The following NKAIN2 variants were observed in gnomAD, a reference collection of about 807,000 sequenced individuals.
The protein encoded by NKAIN2 is sodium/potassium transporting ATPase interacting 2.
In NKAIN2, 14 loss-of-function variants were observed where a neutral mutation model predicts 32.6. That is an observed-to-expected ratio of 0.43 (90% CI 0.28 to 0.67). The LOEUF (loss-of-function observed/expected upper bound fraction) is 0.67, where lower values mean the gene tolerates loss of function less well. Ranked by LOEUF, NKAIN2 falls within the 30% of genes least tolerant of loss-of-function variation. The pLI is 0.17. For synonymous variants in NKAIN2, 80 were observed against 87.2 expected, an observed-to-expected ratio of 0.92 and a Z score of 0.46; for missense variants, 198 against 258.3, an observed-to-expected ratio of 0.77 and a Z score of 1.60.
At chr6:124,601,794 A>C (rs903926586) in intron 3 of NKAIN2, among the ~76,000 whole-genome samples, 8 of 152,008 alleles carry the variant, frequency 5.3e-5, no homozygotes, top group Non-Finnish European at 8.8e-5. Context: ...GGGTTGTAGA[A>C]TTTACATGAG....
intron 1 of NKAIN2, among the ~76,000 whole-genome samples, chr6:123,892,569 T>C (rs546611424): frequency 6.6e-6 from 1 of 152,084 alleles, no homozygotes; most frequent in East Asian, 2.0e-4. Flanking sequence ...GTGGGGATTA[T>C]TATAATTCAA....
chr6:124,588,170 G>T (rs1282541032), intron 3 of NKAIN2, among the ~76,000 whole-genome samples: 1 of 152,086 alleles, frequency 6.6e-6, no homozygotes, highest in African/African-American at 2.4e-5. Flanking sequence ...TTTAATTATT[G>T]ATGCATAGTG....
chr6:124,140,343 T>C (rs1482690412), intron 1 of NKAIN2, among the ~76,000 whole-genome samples: 1 of 152,220 alleles, frequency 6.6e-6, no homozygotes, highest in Non-Finnish European at 1.5e-5. Context: ...ATACGCATCA[T>C]GTTTATTCAT....
At chr6:123,874,716 T>A (rs1363352940) in intron 1 of NKAIN2, among the ~76,000 whole-genome samples, 3 of 152,102 alleles carry the variant, frequency 2.0e-5, no homozygotes, top group Non-Finnish European at 4.4e-5. Context: ...TGAATTGGCC[T>A]ATAAAATATT....
intron 1 of NKAIN2, among the ~76,000 whole-genome samples, chr6:124,109,843 A>T (rs1190269358): frequency 1.3e-5 from 2 of 151,940 alleles, no homozygotes; most frequent in African/African-American, 4.8e-5. Context: ...CTTTTTGTGC[A>T]TATGTTGAGA....
At chr6:124,267,344 G>A (rs548276235) in intron 1 of NKAIN2, among the ~76,000 whole-genome samples, 3 of 152,030 alleles carry the variant, frequency 2.0e-5, no homozygotes, top group South Asian at 4.2e-4. Flanking sequence ...GTGGGCTGTT[G>A]GTAAGAATGT....
intron 1 of NKAIN2, among the ~76,000 whole-genome samples, chr6:124,150,427 A>G (rs1787652452): frequency 6.6e-6 from 1 of 152,132 alleles, no homozygotes; most frequent in African/African-American, 2.4e-5. Flanking sequence ...ACATGCATGT[A>G]TTATTTTATA....
chr6:124,104,710 C>T (rs1785038986), intron 1 of NKAIN2, among the ~76,000 whole-genome samples: 1 of 152,192 alleles, frequency 6.6e-6, no homozygotes, highest in Admixed American at 6.5e-5. Context: ...TACTAATGAT[C>T]ATTCTGAGAA....
rs1430947405 is a variant in NKAIN2, at chr6:124,824,219, G to A, written c.*990G>A. ...TCTACAATTGTCTTTTACTAACACA[G>A]AAACAGCTGTGGATTTCTATCAACA... On this transcript the variant is annotated 3_prime_UTR_variant, in exon 7 of 7. Transcript: ENST00000368417. 6.6e-6 allele frequency: 1 copy of A among 152,574 alleles called. No homozygotes were observed. Among genetic ancestry groups the A allele is most frequent in the Non-Finnish European group, 1.5e-5 (1 of 68,028 alleles). 9.5% of individuals were successfully genotyped at this position (152,574 alleles called of 1,614,324 possible). A position where few individuals can be genotyped will look rare whatever the true frequency, so the allele number is the denominator to read the frequency against.
At chr6:123,810,035 A>G (rs1773391346) in intron 1 of NKAIN2, among the ~76,000 whole-genome samples, 1 of 152,150 alleles carries the variant, frequency 6.6e-6, no homozygotes. Context: ...AATGAAAACT[A>G]TTATTTATTG....
intron 5 of NKAIN2, among the ~76,000 whole-genome samples, chr6:124,815,143 C>T (rs1258779273): frequency 2.7e-5 from 4 of 150,248 alleles, no homozygotes; most frequent in African/African-American, 9.8e-5. Context: ...AATTTAGTCT[C>T]ATTGTCAACA....
At chr6:124,039,832 A>G (rs1447426006) in intron 1 of NKAIN2, among the ~76,000 whole-genome samples, 1 of 151,770 alleles carries the variant, frequency 6.6e-6, no homozygotes, top group African/African-American at 2.4e-5. Flanking sequence ...CTCTCTATTG[A>G]CTGGTTGCGG....
chr6:124,380,020 T>C (rs1328681302), intron 3 of NKAIN2, among the ~76,000 whole-genome samples: 1 of 152,166 alleles, frequency 6.6e-6, no homozygotes, highest in Non-Finnish European at 1.5e-5. Context: ...CCTTTGAAAC[T>C]GCTTTTACAT....
rs186713072 is a variant in NKAIN2 at position 124,069,036 on chromosome 6, T to C, written c.55-213969T>C. Among the ~76,000 whole-genome samples the C allele has an allele frequency of 1.0e-3, 156 of 152,214 alleles. 1 individual carries two copies. Among genetic ancestry groups the C allele is most frequent in the African/African-American group, 3.5e-3 (146 of 41,552 alleles). On this transcript the variant is annotated intron_variant, in intron 1 of 6. Transcript: ENST00000368417. ...GACAAAGATCACAATTTTTTTTGTT[T>C]CCTTTTTAAAGTCTATTCCGTACAG...
intron 3 of NKAIN2, among the ~76,000 whole-genome samples, chr6:124,650,424 G>C (rs546073514): frequency 3.3e-5 from 5 of 152,140 alleles, no homozygotes; most frequent in African/African-American, 1.2e-4. Context: ...AAATATATAG[G>C]TATCAATTTG....
At chr6:124,543,062 T>A (rs2114848787) in intron 3 of NKAIN2, among the ~76,000 whole-genome samples, 1 of 152,174 alleles carries the variant, frequency 6.6e-6, no homozygotes, top group East Asian at 1.9e-4. Flanking sequence ...TTGGTGAATA[T>A]TAAATAATAA....
At chr6:124,293,655 A>G (rs780642560) in intron 2 of NKAIN2, among the ~76,000 whole-genome samples, 4 of 152,152 alleles carry the variant, frequency 2.6e-5, no homozygotes, top group Non-Finnish European at 5.9e-5. Context: ...TCATCAGAGC[A>G]TATATTTTCT....
chr6:124,288,622 A>G (rs1430097257), intron 2 of NKAIN2, among the ~76,000 whole-genome samples: 1 of 152,106 alleles, frequency 6.6e-6, no homozygotes, highest in Non-Finnish European at 1.5e-5. Flanking sequence ...TATAGCACCC[A>G]GCTTTTTGAT....
At chr6:124,154,046 C>T (rs1028456567) in intron 1 of NKAIN2, among the ~76,000 whole-genome samples, 11 of 151,228 alleles carry the variant, frequency 7.3e-5, no homozygotes, top group African/African-American at 2.4e-4. Context: ...AATTTTTCTA[C>T]AACAACTGAA....
Sources: allele counts gnomAD v4.1 joint callset (sites outside exome capture counted in the v4.1 genomes callset), GRCh38; gene constraint gnomAD v4.1.1; transcripts MANE v1.5; gene names NCBI Gene and HGNC (gene_info 2026-07-23, HGNC 2026-07-21).